Variants in RANBP2 observed in about 807,000 individuals in gnomAD.
RANBP2 encodes RAN binding protein 2.
RANBP2 carries 57 observed loss-of-function variants against 303.6 expected under a neutral mutation model. The ratio of observed to expected loss-of-function variants is 0.19; its 90% CI spans 0.15 to 0.23. The LOEUF (loss-of-function observed/expected upper bound fraction) is 0.23. Ranked by LOEUF, RANBP2 falls within the 10% of genes least tolerant of loss-of-function variation. The pLI, the probability that RANBP2 is intolerant of heterozygous loss-of-function variation, is 1.00. For synonymous variants in RANBP2, 1,167 were observed against 1,301.5 expected, an observed-to-expected ratio of 0.90 and a Z score of 2.23; for missense variants, 3,138 against 3,780.8, an observed-to-expected ratio of 0.83 and a Z score of 4.46.
At chr2:109,694,741 AT>A in the RANBP2 span, among the ~76,000 whole-genome samples, 1 of 151,334 alleles carries the variant, frequency 6.6e-6, no homozygotes, top group Admixed American at 6.6e-5. Context: ...ATTTTGGAGC[AT>A]TTTGGATTTG....
At chr2:109,067,966 C>T in the RANBP2 span, among the ~76,000 whole-genome samples, 2 of 152,190 alleles carry the variant, frequency 1.3e-5, no homozygotes, top group African/African-American at 4.8e-5. Context: ...TGCTGCTGCT[C>T]TGGGGACTTT....
chr2:108,905,338 C>A, the RANBP2 span, among the ~76,000 whole-genome samples: 1 of 152,202 alleles, frequency 6.6e-6, no homozygotes, highest in East Asian at 1.9e-4. Flanking sequence ...CAGCTGACAG[C>A]CCCAGGCCAT....
At chr2:108,975,377 C>T in the RANBP2 span, among the ~76,000 whole-genome samples, 4 of 152,322 alleles carry the variant, frequency 2.6e-5, no homozygotes, top group East Asian at 5.8e-4. Context: ...GGGTGCAGCT[C>T]AGCCCTGGGC....
chr2:109,539,038 G>A, the RANBP2 span, among the ~76,000 whole-genome samples: 16 of 152,104 alleles, frequency 1.1e-4, no homozygotes, highest in Non-Finnish European at 2.4e-4. Context: ...GGTGGTTCAC[G>A]CCTGTATTTC....
At chr2:108,911,159 G>A in the RANBP2 span, 13 of 1,533,684 alleles carry the variant, frequency 8.5e-6, no homozygotes, top group Non-Finnish European at 1.2e-5. Context: ...GGAAGCAATG[G>A]CCCTGCCCCT....
chr2:109,728,003 T>C, the RANBP2 span, among the ~76,000 whole-genome samples: 1 of 152,266 alleles, frequency 6.6e-6, no homozygotes, highest in African/African-American at 2.4e-5. Context: ...AAGAGGTTAC[T>C]GAGGAATTGA....
chr2:109,511,251 G>A, the RANBP2 span, among the ~76,000 whole-genome samples: 1 of 152,186 alleles, frequency 6.6e-6, no homozygotes, highest in African/African-American at 2.4e-5. Context: ...CTGACTTGCT[G>A]TGACAGTGCT....
At chr2:109,590,891 C>T in the RANBP2 span, among the ~76,000 whole-genome samples, 3 of 152,258 alleles carry the variant, frequency 2.0e-5, no homozygotes, top group South Asian at 6.2e-4. Context: ...CTGCCAACAA[C>T]CAGAAAGAGT....
the RANBP2 span, chr2:108,873,384 T>A: frequency 7.3e-7 from 1 of 1,366,986 alleles, no homozygotes; most frequent in African/African-American, 1.5e-5. Context: ...AGTTCTGATT[T>A]TAATTTGTTT....
chr2:109,330,111 A>T, the RANBP2 span, among the ~76,000 whole-genome samples: 1 of 152,366 alleles, frequency 6.6e-6, no homozygotes, highest in Non-Finnish European at 1.5e-5. Context: ...TAGCACGGGC[A>T]TGCATTTCCT....
At position 108,751,689 on chromosome 2, in the gene RANBP2, T is replaced by G; in HGVS notation, c.1617T>G (p.Ile539Met). ...KSWWDAVCTL[I>M]HRKAVPGNVA... ...GGTGGGATGCGGTTTGTACTCTGATTCACAGAAAAGCAGTGTAAGTAGTAA... is the reference window on the plus strand; with the variant it reads ...GGTGGGATGCGGTTTGTACTCTGATGCACAGAAAAGCAGTGTAAGTAGTAA... The change falls in exon 11 of 29, where the codon ATT becomes ATG. Residue 539 changes from isoleucine (I) to methionine (M), a missense_variant. This residue lies in a region of RANBP2 where 162 missense variants were observed against 286.9 expected (regional missense o/e 0.56). Coordinates refer to ENST00000283195, the MANE Select transcript of RANBP2 (RefSeq NM_006267.5). The G allele has an allele frequency of 6.2e-7, 1 of 1,610,986 alleles. No homozygotes were observed. The highest frequency in any genetic ancestry group is 8.5e-7 in the Non-Finnish European group (1 of 1,179,406).
At chr2:109,590,544 G>A in the RANBP2 span, among the ~76,000 whole-genome samples, 2 of 151,874 alleles carry the variant, frequency 1.3e-5, no homozygotes, top group African/African-American at 4.8e-5. Context: ...TGATTCTCCT[G>A]CCTCAGCCTC....
At chr2:109,410,005 G>T in the RANBP2 span, among the ~76,000 whole-genome samples, 17 of 152,156 alleles carry the variant, frequency 1.1e-4, no homozygotes, top group African/African-American at 3.9e-4. Context: ...GAGACTCGGA[G>T]CCCCCGTACA....
chr2:108,833,726 CT>C, the RANBP2 span, among the ~76,000 whole-genome samples: 78,075 of 91,044 alleles, frequency 0.86, 33,014 homozygotes, highest in Middle Eastern at 0.96. Flanking sequence ...GTGGAGTAAA[CT>C]TTTTTTTTTT....
the RANBP2 span, among the ~76,000 whole-genome samples, chr2:109,044,561 A>G: frequency 1.3e-5 from 2 of 148,590 alleles, no homozygotes; most frequent in East Asian, 2.0e-4. Flanking sequence ...TAATGAGATA[A>G]ACACCAATTT....
the RANBP2 span, among the ~76,000 whole-genome samples, chr2:109,427,920 C>CGCACGCTCCTCTGAGCATCT: frequency 3.3e-5 from 5 of 152,246 alleles, no homozygotes; most frequent in Non-Finnish European, 7.3e-5. Context: ...CAGGTGCTCG[C>CGCACGCTCCTCTGAGCATCT]GCACGCTCCT....
chr2:109,217,951 C>G, the RANBP2 span, among the ~76,000 whole-genome samples: 12 of 152,284 alleles, frequency 7.9e-5, no homozygotes, highest in South Asian at 4.2e-4. Context: ...ACCTTTCCCT[C>G]GAGGGCTCTG....
chr2:109,078,134 T>TGCTA, the RANBP2 span, among the ~76,000 whole-genome samples: 2 of 69,606 alleles, frequency 2.9e-5, no homozygotes, highest in Non-Finnish European at 5.3e-5. Flanking sequence ...TATATATATA[T>TGCTA]AGCGTGTATA....
chr2:109,432,496 C>A, the RANBP2 span: 1 of 1,612,974 alleles, frequency 6.2e-7, no homozygotes, highest in Non-Finnish European at 8.5e-7. Flanking sequence ...ATGCTTTGCC[C>A]GCAGGTACCT....
Sources: allele counts gnomAD v4.1 joint callset (sites outside exome capture counted in the v4.1 genomes callset), GRCh38; gene constraint gnomAD v4.1.1; regional missense constraint gnomAD v4.1.1; transcripts MANE v1.5; gene names NCBI Gene and HGNC (gene_info 2026-07-23, HGNC 2026-07-21).